CDC42: variants seen among roughly 807,000 people sequenced by gnomAD.
The protein encoded by CDC42 is cell division cycle 42.
A neutral mutation model predicts 20.8 loss-of-function variants in CDC42; 1 was observed. The observed-to-expected ratio is 0.05, with a 90% CI of 0.02 to 0.23. CDC42 has a LOEUF of 0.23. Among genes scored for constraint, CDC42 ranks in the 10% least tolerant of loss-of-function variants. The probability of loss-of-function intolerance (pLI) is 1.00; values close to 1 mark genes in which losing one functional copy is unlikely to be tolerated. For missense variants in CDC42, 49 were observed against 227.9 expected (o/e 0.21, Z 5.05); for synonymous variants, 72 against 84.8 (o/e 0.85, Z 0.83).
chr1:22,071,791 A>C (rs1480273210), intron 1 of CDC42, among the ~76,000 whole-genome samples: 1 of 152,202 alleles, frequency 6.6e-6, no homozygotes, highest in African/African-American at 2.4e-5. Context: ...CTTCAGGGGC[A>C]AACGTATTTC....
At chr1:22,078,793 G>A (rs763721408) in intron 2 of CDC42, 59 of 1,443,710 alleles carry the variant, frequency 4.1e-5, no homozygotes, top group Non-Finnish European at 5.1e-5. Context: ...GGGTTTGCAA[G>A]AAGTGCTGGG....
rs372644208 is a variant in CDC42 at position 22,091,529 on chromosome 1, G to T, written c.*12G>T. ...GTGTGCTGCTATGAACATCTCTCCAGAGCCCTTTCTGCACAGCTGGTGTCG... is the reference window on the plus strand; with the variant it reads ...GTGTGCTGCTATGAACATCTCTCCATAGCCCTTTCTGCACAGCTGGTGTCG... On this transcript the variant is annotated 3_prime_UTR_variant, in exon 6 of 6. Transcript: ENST00000656825. 1.0e-5 allele frequency: 16 copies of T among 1,579,240 alleles called. No individual in the cohort carries two copies. The highest frequency in any genetic ancestry group is 1.4e-5 in the Non-Finnish European group (16 of 1,150,122).
At position 22,091,520 on chromosome 1, in the gene CDC42, A is replaced by G; in HGVS notation, c.*3A>G. On this transcript the variant is annotated 3_prime_UTR_variant, in exon 6 of 6. Coordinates refer to ENST00000656825, the MANE Select transcript of CDC42 (RefSeq NM_001791.4). ...GCCGCAGGTGTGTGCTGCTATGAAC[A>G]TCTCTCCAGAGCCCTTTCTGCACAG... The G allele has an allele frequency of 1.2e-6, 2 of 1,601,740 alleles. No homozygotes were observed. Among genetic ancestry groups the G allele is most frequent in the Non-Finnish European group, 1.7e-6 (2 of 1,169,270 alleles).
At chr1:22,063,496 G>A (rs1022503069) in intron 1 of CDC42, among the ~76,000 whole-genome samples, 2 of 152,046 alleles carry the variant, frequency 1.3e-5, no homozygotes, top group Non-Finnish European at 2.9e-5. Context: ...ATAGGATTTC[G>A]TTCTTCCAAG....
At chr1:22,089,818 C>T (rs1267448790) in intron 5 of CDC42, 7 of 901,118 alleles carry the variant, frequency 7.8e-6, no homozygotes, top group African/African-American at 5.0e-5. Context: ...AGCATTCTAG[C>T]GTTTTTCTTA....
intron 1 of CDC42, among the ~76,000 whole-genome samples, chr1:22,074,812 C>A (rs1645531240): frequency 6.6e-6 from 1 of 152,144 alleles, no homozygotes; most frequent in Non-Finnish European, 1.5e-5. Context: ...TTCCACAAAA[C>A]AGAGTTGAGC....
intron 1 of CDC42, among the ~76,000 whole-genome samples, chr1:22,059,956 C>T (rs1165144733): frequency 6.6e-6 from 1 of 152,186 alleles, no homozygotes; most frequent in Non-Finnish European, 1.5e-5. Context: ...GCTGGGGGAT[C>T]AGTGTCTCAG....
In CDC42 at chr1:22,094,995, T is replaced by C. The variant is rs1398346180; in HGVS notation, c.*3478T>C. 6.6e-6 allele frequency among the ~76,000 whole-genome samples: 1 copy of C among 152,166 alleles called. No individual in the cohort carries two copies. Among genetic ancestry groups the C allele is most frequent in the Non-Finnish European group, 1.5e-5 (1 of 68,016 alleles). On this transcript the variant is annotated 3_prime_UTR_variant, in exon 6 of 6. Coordinates refer to ENST00000656825, the MANE Select transcript of CDC42 (RefSeq NM_001791.4). ...GAAACTCGCAAAACAAGGGCCCTGCTCAAGAAGGATTGAAACTTAGTCCTT... is the reference window on the plus strand; with the variant it reads ...GAAACTCGCAAAACAAGGGCCCTGCCCAAGAAGGATTGAAACTTAGTCCTT...
chr1:22,063,099 A>T (rs1273217490), intron 1 of CDC42, among the ~76,000 whole-genome samples: 1 of 152,006 alleles, frequency 6.6e-6, no homozygotes, highest in African/African-American at 2.4e-5. Context: ...TTGGACTCAT[A>T]GTTTTTTTTT....
intron 5 of CDC42, among the ~76,000 whole-genome samples, chr1:22,087,382 C>G (rs1233380286): frequency 2.6e-5 from 4 of 152,168 alleles, no homozygotes; most frequent in Admixed American, 2.6e-4. Context: ...TATAGTGTCC[C>G]TATTCCTATA....
intron 5 of CDC42, among the ~76,000 whole-genome samples, chr1:22,087,536 G>A (rs555281501): frequency 9.1e-4 from 138 of 152,252 alleles, no homozygotes; most frequent in Non-Finnish European, 1.4e-3. Context: ...TAACTGATGT[G>A]TATGGTTTAA....
intron 3 of CDC42, among the ~76,000 whole-genome samples, chr1:22,085,437 T>C (rs1645652659): frequency 6.6e-6 from 1 of 152,168 alleles, no homozygotes. Context: ...CTATTGTCCC[T>C]TGTTTCAAGA....
At chr1:22,064,748 C>A (rs1255309239) in intron 1 of CDC42, among the ~76,000 whole-genome samples, 1 of 149,916 alleles carries the variant, frequency 6.7e-6, no homozygotes, top group East Asian at 2.0e-4. Flanking sequence ...GTGGCGCAAT[C>A]TCACTGCAAC....
At chr1:22,072,112 T>G (rs1215201018) in intron 1 of CDC42, among the ~76,000 whole-genome samples, 4 of 146,526 alleles carry the variant, frequency 2.7e-5, no homozygotes, top group Non-Finnish European at 6.0e-5. Context: ...TTTTTTTTTT[T>G]TTTGGGATGG....
intron 1 of CDC42, among the ~76,000 whole-genome samples, chr1:22,063,044 A>G (rs373511149): frequency 4.6e-5 from 7 of 152,128 alleles, no homozygotes; most frequent in African/African-American, 1.4e-4. Flanking sequence ...GTTCATGGAT[A>G]TGGAAGAAGT....
chr1:22,058,059 G>A (rs976379982), intron 1 of CDC42, among the ~76,000 whole-genome samples: 3 of 152,038 alleles, frequency 2.0e-5, no homozygotes, highest in South Asian at 4.2e-4. Flanking sequence ...TACCTTTACC[G>A]TTGTCATAGA....
intron 1 of CDC42, among the ~76,000 whole-genome samples, chr1:22,072,316 C>G (rs895237835): frequency 6.6e-6 from 1 of 151,948 alleles, no homozygotes; most frequent in Non-Finnish European, 1.5e-5. Context: ...CCAGAATGGT[C>G]TCGATCTCCT....
intron 2 of CDC42, among the ~76,000 whole-genome samples, chr1:22,080,370 C>T (rs1557903060): frequency 6.6e-6 from 1 of 152,128 alleles, no homozygotes; most frequent in Admixed American, 6.5e-5. Flanking sequence ...CACATTCATT[C>T]AATTTCTTTG....
At chr1:22,086,375 T>A in intron 3 of CDC42, 64 bp from the exon 4 acceptor site, 1 of 1,080,558 alleles carries the variant, frequency 9.3e-7, no homozygotes. Flanking sequence ...CAGCATGCTT[T>A]TAACACTTTG....
Sources: allele counts gnomAD v4.1 joint callset (sites outside exome capture counted in the v4.1 genomes callset), GRCh38; gene constraint gnomAD v4.1.1; transcripts MANE v1.5; gene names NCBI Gene and HGNC (gene_info 2026-07-23, HGNC 2026-07-21).